Variants in GRID2 observed in about 807,000 individuals in gnomAD.
GRID2 encodes glutamate ionotropic receptor delta type subunit 2.
In GRID2, 33 loss-of-function variants were observed where a neutral mutation model predicts 114.8. The observed-to-expected ratio is 0.29, with a 90% CI of 0.22 to 0.38. The LOEUF is 0.38. GRID2 is among the 10% of genes least tolerant of loss of function. GRID2 has a pLI of 1.00. For synonymous variants in GRID2, 505 were observed against 449.9 expected, an observed-to-expected ratio of 1.12 and a Z score of -1.55; for missense variants, 1,184 against 1,257.7, an observed-to-expected ratio of 0.94 and a Z score of 0.89.
intron 1 of GRID2, among the ~76,000 whole-genome samples, chr4:92,444,800 A>C (rs915483974): frequency 6.6e-6 from 1 of 152,218 alleles, no homozygotes; most frequent in Non-Finnish European, 1.5e-5. Context: ...GGGTTTACTT[A>C]GATGTTTATT....
chr4:93,425,793 C>T (rs889510753), intron 10 of GRID2, among the ~76,000 whole-genome samples: 3 of 152,140 alleles, frequency 2.0e-5, no homozygotes, highest in Admixed American at 6.5e-5. Flanking sequence ...TCTGTCGACC[C>T]CATCCCCGCT....
chr4:93,553,518 C>T (rs1201737188), intron 13 of GRID2, among the ~76,000 whole-genome samples: 2 of 152,184 alleles, frequency 1.3e-5, no homozygotes, highest in Non-Finnish European at 2.9e-5. Flanking sequence ...TTGCCTGCTA[C>T]ATTTTCATTT....
At chr4:92,546,384 A>G (rs1726261840) in intron 1 of GRID2, among the ~76,000 whole-genome samples, 1 of 152,158 alleles carries the variant, frequency 6.6e-6, no homozygotes, top group Admixed American at 6.6e-5. Context: ...AGACCCTTTT[A>G]TCATGGAGAG....
At chr4:92,814,685 C>A (rs553141137) in intron 2 of GRID2, among the ~76,000 whole-genome samples, 1 of 152,108 alleles carries the variant, frequency 6.6e-6, no homozygotes, top group Non-Finnish European at 1.5e-5. Flanking sequence ...ATGGAAAATG[C>A]TATCCACAAG....
intron 14 of GRID2, among the ~76,000 whole-genome samples, chr4:93,747,788 G>GT (rs1731972662): frequency 6.7e-6 from 1 of 150,180 alleles, no homozygotes; most frequent in African/African-American, 2.5e-5. Context: ...ATGTTGATTT[G>GT]TTTTCCCCCC....
At chr4:92,766,514 G>A (rs1159013241) in intron 2 of GRID2, among the ~76,000 whole-genome samples, 1 of 146,254 alleles carries the variant, frequency 6.8e-6, no homozygotes. Flanking sequence ...TACAGCTTGG[G>A]CGACAGAGCA....
intron 8 of GRID2, among the ~76,000 whole-genome samples, chr4:93,370,216 T>A (rs1762732540): frequency 6.6e-6 from 1 of 152,038 alleles, no homozygotes; most frequent in Admixed American, 6.6e-5. Context: ...TTTCTTGTGT[T>A]CTCTACTTAA....
intron 2 of GRID2, among the ~76,000 whole-genome samples, chr4:92,606,883 A>C (rs79128959): frequency 0.017 from 2,627 of 152,132 alleles, 54 homozygotes; most frequent in African/African-American, 0.06. Context: ...TACAAAACAC[A>C]GTAAGGGTGC....
intron 14 of GRID2, among the ~76,000 whole-genome samples, chr4:93,761,946 C>G (rs1733248660): frequency 1.3e-5 from 2 of 152,122 alleles, no homozygotes; most frequent in South Asian, 4.1e-4. Context: ...AATCAAAGTG[C>G]CACTATGCTT....
chr4:93,047,336 T>A (rs1433894800), intron 2 of GRID2, among the ~76,000 whole-genome samples: 1 of 152,120 alleles, frequency 6.6e-6, no homozygotes, highest in Non-Finnish European at 1.5e-5. Context: ...TAGTTAACAA[T>A]AATGTGTCAA....
intron 8 of GRID2, among the ~76,000 whole-genome samples, chr4:93,284,177 T>C (rs1227705784): frequency 1.3e-5 from 2 of 152,124 alleles, no homozygotes; most frequent in African/African-American, 2.4e-5. Context: ...TATATAATGA[T>C]AGCTTGATTC....
intron 14 of GRID2, among the ~76,000 whole-genome samples, chr4:93,636,351 G>A (rs1383116830): frequency 6.6e-6 from 1 of 151,964 alleles, no homozygotes; most frequent in Non-Finnish European, 1.5e-5. Context: ...TATAATCTAG[G>A]TGTTACTAAA....
At chr4:92,956,513 T>A (rs1752422517) in intron 2 of GRID2, among the ~76,000 whole-genome samples, 1 of 152,190 alleles carries the variant, frequency 6.6e-6, no homozygotes, top group Admixed American at 6.6e-5. Context: ...GCTCATTTTT[T>A]TAGTGCTAAA....
At chr4:93,250,574 CA>C (rs1308955316) in intron 8 of GRID2, among the ~76,000 whole-genome samples, 3 of 148,714 alleles carry the variant, frequency 2.0e-5, no homozygotes, top group African/African-American at 4.9e-5. Flanking sequence ...TGGTATATTA[CA>C]AAAAAACAAG....
chr4:92,486,578 C>T (rs570725222), intron 1 of GRID2, among the ~76,000 whole-genome samples: 1 of 151,226 alleles, frequency 6.6e-6, no homozygotes, highest in East Asian at 1.9e-4. Flanking sequence ...CACACACACA[C>T]ACACACACAC....
chr4:93,284,656 G>A (rs1388940062), intron 8 of GRID2, among the ~76,000 whole-genome samples: 4 of 151,600 alleles, frequency 2.6e-5, no homozygotes, highest in Non-Finnish European at 4.4e-5. Context: ...GTCTATAAAT[G>A]TACATTATTT....
At chr4:93,666,475 A>G (rs1361086836) in intron 14 of GRID2, among the ~76,000 whole-genome samples, 1 of 152,068 alleles carries the variant, frequency 6.6e-6, no homozygotes, top group Admixed American at 6.6e-5. Context: ...TCATTATGTT[A>G]GATTTGGGCG....
chr4:92,393,469 C>G (rs1417560677), intron 1 of GRID2, among the ~76,000 whole-genome samples: 1 of 152,102 alleles, frequency 6.6e-6, no homozygotes, highest in African/African-American at 2.4e-5. Flanking sequence ...CTGCACTCAA[C>G]CTACATATAC....
At chr4:93,397,173 G>A (rs1007970808) in intron 9 of GRID2, among the ~76,000 whole-genome samples, 4 of 151,926 alleles carry the variant, frequency 2.6e-5, no homozygotes, top group Non-Finnish European at 4.4e-5. Context: ...TCTATGAAAG[G>A]ACATTCAAGT....
Sources: gnomAD v4.1 joint callset for allele counts (sites outside exome capture counted in the v4.1 genomes callset) on GRCh38, gnomAD v4.1.1 for gene constraint, MANE v1.5 for transcripts, NCBI Gene and HGNC (gene_info 2026-07-23, HGNC 2026-07-21) for gene names.